Variants in KCNQ3 observed in about 807,000 individuals in gnomAD.
KCNQ3 encodes potassium voltage-gated channel subfamily Q member 3.
A neutral mutation model predicts 92.5 loss-of-function variants in KCNQ3; 30 were observed. The observed-to-expected ratio is 0.32, with a 90% CI of 0.24 to 0.44. KCNQ3 has a LOEUF of 0.44. Ranked by LOEUF, KCNQ3 falls within the 20% of genes least tolerant of loss-of-function variation. KCNQ3 has a pLI of 1.00. For synonymous variants in KCNQ3, 450 were observed against 468.8 expected, an observed-to-expected ratio of 0.96 and a Z score of 0.52; for missense variants, 913 against 1,140.3, an observed-to-expected ratio of 0.80 and a Z score of 2.87.
At chr8:132,378,010 C>T (rs573908348) in intron 1 of KCNQ3, among the ~76,000 whole-genome samples, 2 of 152,030 alleles carry the variant, frequency 1.3e-5, no homozygotes, top group South Asian at 4.2e-4. Context: ...TCTACAAGGA[C>T]AGATTATTTT....
intron 1 of KCNQ3, among the ~76,000 whole-genome samples, chr8:132,446,264 A>G (rs1157901858): frequency 3.9e-5 from 6 of 152,220 alleles, no homozygotes; most frequent in Non-Finnish European, 5.9e-5. Context: ...CGTGGTGGCC[A>G]ACAAGATTAG....
rs1044217873 is a variant in KCNQ3 at position 132,214,160 on chromosome 8, A to C, written c.387-27979T>G. Among the ~76,000 whole-genome samples the C allele has an allele frequency of 2.0e-5, 3 of 152,314 alleles. No homozygotes were observed. In the South Asian group the frequency reaches 6.2e-4, roughly 32 times the overall value. On this transcript the variant is annotated intron_variant, in intron 1 of 14. Transcript: ENST00000388996. The stretch of plus-strand genomic sequence containing the variant: ...ATCACCTCGGTGCTGTAGGACAAGA[A>C]ACTTTACCTCTCTGAGCTACAGTTC...
intron 1 of KCNQ3, among the ~76,000 whole-genome samples, chr8:132,389,555 GGCTT>G (rs1240410793): frequency 1.3e-5 from 2 of 152,134 alleles, no homozygotes; most frequent in African/African-American, 2.4e-5. Flanking sequence ...ACTAACAAAG[GGCTT>G]GTATCCAGAA....
At chr8:132,320,948 G>A (rs1314345157) in intron 1 of KCNQ3, among the ~76,000 whole-genome samples, 1 of 152,112 alleles carries the variant, frequency 6.6e-6, no homozygotes, top group Non-Finnish European at 1.5e-5. Context: ...GGAATCACCT[G>A]GGTGCCTTTA....
intron 1 of KCNQ3, among the ~76,000 whole-genome samples, chr8:132,303,795 CAT>C (rs1033149571): frequency 4.7e-5 from 7 of 147,714 alleles, no homozygotes; most frequent in African/African-American, 1.5e-4. Context: ...TAAAATATTA[CAT>C]GTGTGTATAG....
intron 1 of KCNQ3, among the ~76,000 whole-genome samples, chr8:132,457,472 T>C (rs962192139): frequency 1.3e-5 from 2 of 152,210 alleles, no homozygotes; most frequent in Non-Finnish European, 2.9e-5. Flanking sequence ...GGTCCCTGGA[T>C]GCAGCCACTG....
intron 1 of KCNQ3, among the ~76,000 whole-genome samples, chr8:132,204,001 C>T (rs938374759): frequency 6.6e-6 from 1 of 152,124 alleles, no homozygotes; most frequent in African/African-American, 2.4e-5. Flanking sequence ...TTTCAGATAC[C>T]ATCACTTGTA....
chr8:132,149,734 A>G (rs1825575553), intron 9 of KCNQ3, among the ~76,000 whole-genome samples: 1 of 152,084 alleles, frequency 6.6e-6, no homozygotes, highest in African/African-American at 2.4e-5. Flanking sequence ...CTGCTTCCCT[A>G]CCGACTGGAG....
intron 1 of KCNQ3, among the ~76,000 whole-genome samples, chr8:132,448,558 A>C (rs965164582): frequency 3.3e-5 from 5 of 151,682 alleles, no homozygotes; most frequent in Admixed American, 2.6e-4. Context: ...AAAAGTAAAA[A>C]GGAGGAGGAG....
At chr8:132,160,691 G>C (rs1486449525) in intron 9 of KCNQ3, among the ~76,000 whole-genome samples, 1 of 152,150 alleles carries the variant, frequency 6.6e-6, no homozygotes, top group Admixed American at 6.5e-5. Flanking sequence ...TATGAGGGCT[G>C]TCTTGACTGT....
chr8:132,325,802 C>G (rs1341396352), intron 1 of KCNQ3, among the ~76,000 whole-genome samples: 2 of 152,172 alleles, frequency 1.3e-5, no homozygotes, highest in Admixed American at 1.3e-4. Context: ...ATCAGACATC[C>G]AGCTTCTGCT....
intron 1 of KCNQ3, among the ~76,000 whole-genome samples, chr8:132,217,233 A>G: frequency 6.6e-6 from 1 of 152,318 alleles, no homozygotes; most frequent in East Asian, 1.9e-4. Flanking sequence ...ATTCCTCAGC[A>G]CACCACGGGA....
chr8:132,468,782 AAT>A (rs1382108931), intron 1 of KCNQ3, among the ~76,000 whole-genome samples: 1 of 152,216 alleles, frequency 6.6e-6, no homozygotes, highest in Non-Finnish European at 1.5e-5. Flanking sequence ...CTGAGGTCTG[AAT>A]TCAGTATAGA....
intron 1 of KCNQ3, among the ~76,000 whole-genome samples, chr8:132,386,105 T>C (rs1045869749): frequency 3.9e-5 from 6 of 152,170 alleles, no homozygotes; most frequent in African/African-American, 1.4e-4. Flanking sequence ...CTTCAGGAGA[T>C]CTTGATACAC....
chr8:132,173,729 C>T (rs1415173932), intron 6 of KCNQ3, among the ~76,000 whole-genome samples: 3 of 152,088 alleles, frequency 2.0e-5, no homozygotes, highest in East Asian at 1.9e-4. Flanking sequence ...GGACACTGGG[C>T]GTTGGGGAAG....
At chr8:132,381,946 A>G (rs1752924223) in intron 1 of KCNQ3, among the ~76,000 whole-genome samples, 1 of 152,246 alleles carries the variant, frequency 6.6e-6, no homozygotes, top group South Asian at 2.1e-4. Context: ...TGGGCTGGTC[A>G]GCCAAATCCC....
intron 1 of KCNQ3, among the ~76,000 whole-genome samples, chr8:132,235,316 A>G (rs1018092817): frequency 6.6e-6 from 1 of 152,120 alleles, no homozygotes; most frequent in African/African-American, 2.4e-5. Flanking sequence ...CAGCCTGACC[A>G]ACATGGTGAA....
At chr8:132,222,115 C>T (rs1814258394) in intron 1 of KCNQ3, among the ~76,000 whole-genome samples, 1 of 152,218 alleles carries the variant, frequency 6.6e-6, no homozygotes, top group South Asian at 2.1e-4. Flanking sequence ...AAACTACCAT[C>T]ACAGTGAACA....
intron 1 of KCNQ3, among the ~76,000 whole-genome samples, chr8:132,357,952 C>T (rs1819061265): frequency 6.6e-6 from 1 of 152,204 alleles, no homozygotes; most frequent in African/African-American, 2.4e-5. Context: ...TAGTTTCATT[C>T]CCATCCATCA....
Sources: gnomAD v4.1 joint callset for allele counts (sites outside exome capture counted in the v4.1 genomes callset) on GRCh38, gnomAD v4.1.1 for gene constraint, MANE v1.5 for transcripts, NCBI Gene and HGNC (gene_info 2026-07-23, HGNC 2026-07-21) for gene names.